Variants in FCGR3A observed in about 807,000 individuals in gnomAD.
FCGR3A encodes low affinity immunoglobulin gamma Fc region receptor III-A.
FCGR3A carries 13 observed loss-of-function variants against 24.1 expected under a neutral mutation model. The observed-to-expected ratio is 0.54, with a 90% CI of 0.35 to 0.86. FCGR3A has a LOEUF of 0.86. Ranked by LOEUF, FCGR3A falls within the 40% of genes least tolerant of loss-of-function variation. FCGR3A has a pLI of 0.01. For missense variants in FCGR3A, 235 were observed against 298.0 expected (o/e 0.79, Z 1.56); for synonymous variants, 93 against 112.2 (o/e 0.83, Z 1.08).
intron 1 of FCGR3A, 107 bp downstream of exon 1, chr1:161,549,590 A>C: frequency 6.5e-7 from 1 of 1,527,326 alleles, no homozygotes; most frequent in Non-Finnish European, 8.8e-7. Context: ...AGATGTGGTG[A>C]GGGGTCCCAT....
upstream of FCGR3A, chr1:161,550,411 G>A (rs1677708133): frequency 5.5e-6 from 1 of 181,680 alleles, no homozygotes; most frequent in Non-Finnish European, 1.1e-5. Context: ...AGATTTCCAG[G>A]TTAGAAGAAA....
rs1209976224 is a variant in FCGR3A, at chr1:161,542,377, C to T, written c.*635G>A. 2.0e-5 allele frequency: 3 copies of T among 150,732 alleles called. No individual in the cohort carries two copies. Among genetic ancestry groups the T allele is most frequent in the African/African-American group, 7.3e-5 (3 of 40,842 alleles). The allele number at this position is 150,732 out of a possible 1,614,324, so 9.3% of individuals were successfully genotyped here. A position where few individuals can be genotyped will look rare whatever the true frequency, so the allele number is the denominator to read the frequency against. ...TTATATACTTGGAGATGGTCCAGTTCTGATAGAGTCCCCTGGAAGACTCAA... is the reference window on the plus strand; with the variant it reads ...TTATATACTTGGAGATGGTCCAGTTTTGATAGAGTCCCCTGGAAGACTCAA... On this transcript the variant is annotated 3_prime_UTR_variant, in exon 5 of 5. Coordinates refer to ENST00000443193, the MANE Select transcript of FCGR3A (RefSeq NM_000569.8).
chr1:161,546,967 A>T (rs1348506858), intron 3 of FCGR3A, among the ~76,000 whole-genome samples: 1 of 152,178 alleles, frequency 6.6e-6, no homozygotes, highest in South Asian at 2.1e-4. Context: ...AATGCTTCTC[A>T]GAGGAGGACA....
Position 161,542,806 on chromosome 1 carries a change from T to C in FCGR3A, c.*206A>G. ...CTTCAATTTCTAGGAATGCAGCTACTCACTGGGGCTTCCCTGCTTGAAGAT... is the reference window on the plus strand; with the variant it reads ...CTTCAATTTCTAGGAATGCAGCTACCCACTGGGGCTTCCCTGCTTGAAGAT... On this transcript the variant is annotated 3_prime_UTR_variant, in exon 5 of 5. Coordinates refer to ENST00000443193, the MANE Select transcript of FCGR3A (RefSeq NM_000569.8). 1 of 469,438 alleles carries C rather than the reference T, an allele frequency of 2.1e-6. No individual in the cohort carries two copies. The highest frequency in any genetic ancestry group is 3.8e-6 in the Non-Finnish European group (1 of 261,246). The allele number at this position is 469,438 out of a possible 1,614,324, so 29.1% of individuals were successfully genotyped here. A position where few individuals can be genotyped will look rare whatever the true frequency, so the allele number is the denominator to read the frequency against.
chr1:161,542,973 G>A lies in FCGR3A; in HGVS notation c.*39C>T. 1 of 1,512,520 alleles carries A rather than the reference G, an allele frequency of 6.6e-7. No homozygotes were observed. The highest frequency in any genetic ancestry group is 9.0e-7 in the Non-Finnish European group (1 of 1,107,438). The allele number at this position is 1,512,520 out of a possible 1,614,324, so 93.7% of individuals were successfully genotyped here. A position where few individuals can be genotyped will look rare whatever the true frequency, so the allele number is the denominator to read the frequency against. ...CAAATCCAGAGAAATGTTCAGAGAT[G>A]CTGCTGCTACTGCTCTTATTACCCC... On this transcript the variant is annotated 3_prime_UTR_variant, in exon 5 of 5. Coordinates refer to ENST00000443193, the MANE Select transcript of FCGR3A (RefSeq NM_000569.8).
intron 3 of FCGR3A, among the ~76,000 whole-genome samples, chr1:161,546,958 A>T (rs390976): frequency 2.2e-4 from 34 of 152,094 alleles, no homozygotes; most frequent in Admixed American, 1.4e-3. Flanking sequence ...GAAGTAAAAA[A>T]TGCTTCTCAG....
chr1:161,547,957 C>G (rs1455266497), intron 3 of FCGR3A, among the ~76,000 whole-genome samples: 1 of 152,304 alleles, frequency 6.6e-6, no homozygotes, highest in African/African-American at 2.4e-5. Flanking sequence ...GTAATCTCAG[C>G]TACTCGGGAG....
At chr1:161,545,425 C>G (rs527521573) in intron 3 of FCGR3A, 1 of 160,154 alleles carries the variant, frequency 6.2e-6, no homozygotes, top group Non-Finnish European at 1.4e-5. Context: ...TTGTGGCAGT[C>G]AGGAATAAGG....
At chr1:161,543,319 T>C (rs1242224017) in intron 4 of FCGR3A, 120 bp from the exon 5 acceptor site, 4 of 1,205,694 alleles carry the variant, frequency 3.3e-6, no homozygotes, top group Non-Finnish European at 4.7e-6. Flanking sequence ...GTGGTAGGAA[T>C]GGTGGGGAAG....
rs777192200 is a variant in FCGR3A, at chr1:161,549,813, G to C, written c.-77C>G. 6.2e-7 allele frequency: 1 copy of C among 1,613,716 alleles called. No homozygotes were observed. Among genetic ancestry groups the C allele is most frequent in the Non-Finnish European group, 8.5e-7 (1 of 1,179,884 alleles). ...GACCAAACCGACTAGACAGGAGGAA[G>C]TAAACAGCCTTTCCCCAGCCCCTCC... is the stretch of plus-strand genomic sequence containing the variant. On this transcript the variant is annotated 5_prime_UTR_variant, in exon 1 of 5. Coordinates refer to ENST00000443193, the MANE Select transcript of FCGR3A (RefSeq NM_000569.8).
intron 3 of FCGR3A, among the ~76,000 whole-genome samples, chr1:161,546,118 T>A (rs1173086934): frequency 6.6e-6 from 1 of 152,118 alleles, no homozygotes; most frequent in African/African-American, 2.4e-5. Flanking sequence ...TACTACCTGA[T>A]GCTAAACAAA....
intron 1 of FCGR3A, among the ~76,000 whole-genome samples, chr1:161,549,376 T>C (rs532598132): frequency 1.3e-5 from 2 of 152,184 alleles, no homozygotes; most frequent in East Asian, 1.9e-4. Flanking sequence ...TTGAAAATCA[T>C]AGAGGAGAAC....
At chr1:161,543,691 C>G (rs1312617117) in intron 4 of FCGR3A, among the ~76,000 whole-genome samples, 3 of 152,204 alleles carry the variant, frequency 2.0e-5, no homozygotes, top group African/African-American at 7.2e-5. Context: ...GCTCTCTTTC[C>G]CTAACCACTT....
chr1:161,543,909 G>A (rs1230977161), intron 4 of FCGR3A, among the ~76,000 whole-genome samples: 2 of 152,238 alleles, frequency 1.3e-5, no homozygotes, highest in African/African-American at 4.8e-5. Context: ...GGAGGCTGGT[G>A]CTACAGAACC....
At chr1:161,543,622 T>C (rs1238629245) in intron 4 of FCGR3A, among the ~76,000 whole-genome samples, 2 of 152,056 alleles carry the variant, frequency 1.3e-5, no homozygotes, top group Non-Finnish European at 2.9e-5. Context: ...TAGTTTAATC[T>C]CGTATATCCT....
At chr1:161,549,855 C>T (rs1341353591), upstream of FCGR3A, 8 of 1,611,682 alleles carry the variant, frequency 5.0e-6, no homozygotes, top group Admixed American at 1.7e-5. Flanking sequence ...CTCTGTCACC[C>T]ACCAATTTCC....
intron 1 of FCGR3A, among the ~76,000 whole-genome samples, chr1:161,549,382 A>C (rs1677630290): frequency 1.3e-5 from 2 of 152,104 alleles, no homozygotes; most frequent in African/African-American, 4.8e-5. Flanking sequence ...ATCATAGAGG[A>C]GAACCCTGGA....
At chr1:161,548,005 A>G (rs1310500499) in intron 3 of FCGR3A, among the ~76,000 whole-genome samples, 1 of 152,300 alleles carries the variant, frequency 6.6e-6, no homozygotes, top group African/African-American at 2.4e-5. Flanking sequence ...AAGGGGGCAG[A>G]AGTTGCAGTG....
upstream of FCGR3A, chr1:161,549,917 C>T: frequency 3.2e-6 from 5 of 1,558,276 alleles, no homozygotes; most frequent in Middle Eastern, 6.8e-4. Context: ...CAAGGGAGCC[C>T]CACCATAGAA....
Sources: allele counts gnomAD v4.1 joint callset (sites outside exome capture counted in the v4.1 genomes callset), GRCh38; gene constraint gnomAD v4.1.1; transcripts MANE v1.5; gene names NCBI Gene and HGNC (gene_info 2026-07-23, HGNC 2026-07-21).